The following MYO9A variants were observed in gnomAD, a reference collection of about 807,000 sequenced individuals.
MYO9A encodes unconventional myosin-IXa.
MYO9A carries 103 observed loss-of-function variants against 293.3 expected under a neutral mutation model. That is an observed-to-expected ratio of 0.35 (90% CI 0.30 to 0.41). The LOEUF (loss-of-function observed/expected upper bound fraction) is 0.41. Ranked by LOEUF, MYO9A falls within the 10% of genes least tolerant of loss-of-function variation. MYO9A has a pLI of 1.00. For synonymous variants in MYO9A, 1,001 were observed against 1,035.7 expected, an observed-to-expected ratio of 0.97 and a Z score of 0.64; for missense variants, 2,685 against 3,033.0, an observed-to-expected ratio of 0.89 and a Z score of 2.69.
chr15:71,897,316 G>A, intron 25 of MYO9A, 145 bp downstream of exon 25: 1 of 865,546 alleles, frequency 1.2e-6, no homozygotes, highest in South Asian at 1.8e-5. Context: ...TGATGGTAGA[G>A]TCAACAATTA....
intron 18 of MYO9A, among the ~76,000 whole-genome samples, chr15:71,920,273 G>A (rs576894826): frequency 6.6e-5 from 10 of 152,140 alleles, no homozygotes; most frequent in South Asian, 4.1e-4. Flanking sequence ...TAGGCAAAAA[G>A]ATTAATGAGA....
intron 39 of MYO9A, among the ~76,000 whole-genome samples, chr15:71,845,542 G>A (rs1287481185): frequency 6.6e-6 from 1 of 152,184 alleles, no homozygotes; most frequent in Non-Finnish European, 1.5e-5. Context: ...GATGCTATTT[G>A]CCATTTTCAC....
At chr15:71,934,878 T>C (rs1180418790) in intron 17 of MYO9A, among the ~76,000 whole-genome samples, 1 of 147,618 alleles carries the variant, frequency 6.8e-6, no homozygotes, top group Non-Finnish European at 1.5e-5. Context: ...ACCAACTCTG[T>C]AATCAGTTAA....
At chr15:72,073,347 T>C (rs956231314) in intron 1 of MYO9A, among the ~76,000 whole-genome samples, 1 of 152,078 alleles carries the variant, frequency 6.6e-6, no homozygotes. Context: ...ACCGCCACAA[T>C]TGTCAGGGTC....
chr15:72,051,344 C>T (rs1401531780), intron 1 of MYO9A, among the ~76,000 whole-genome samples: 3 of 152,190 alleles, frequency 2.0e-5, no homozygotes, highest in African/African-American at 4.8e-5. Flanking sequence ...AACCCTGCCA[C>T]CTTCTGAGTT....
At chr15:71,859,658 A>C (rs1043652076) in intron 34 of MYO9A, 77 bp downstream of exon 34, 13 of 1,166,410 alleles carry the variant, frequency 1.1e-5, no homozygotes, top group Middle Eastern at 2.2e-4. Context: ...ACTATCAAAA[A>C]GGCCTTAATT....
intron 11 of MYO9A, among the ~76,000 whole-genome samples, chr15:71,989,576 C>G (rs1238786993): frequency 1.3e-5 from 2 of 152,148 alleles, no homozygotes; most frequent in African/African-American, 4.8e-5. Flanking sequence ...ACTGACTGTA[C>G]TTAGCATTAC....
At chr15:72,102,029 G>A (rs879924025) in intron 1 of MYO9A, among the ~76,000 whole-genome samples, 3 of 151,210 alleles carry the variant, frequency 2.0e-5, no homozygotes, top group Admixed American at 6.6e-5. Flanking sequence ...TGACAATGGC[G>A]GCTTTGTGGA....
At chr15:71,939,741 T>G (rs1010654762) in intron 15 of MYO9A, among the ~76,000 whole-genome samples, 1 of 152,220 alleles carries the variant, frequency 6.6e-6, no homozygotes, top group Non-Finnish European at 1.5e-5. Flanking sequence ...ATGATAAACA[T>G]GTAAGTTCCG....
At chr15:71,971,864 T>C (rs563895660) in intron 12 of MYO9A, among the ~76,000 whole-genome samples, 14 of 151,994 alleles carry the variant, frequency 9.2e-5, no homozygotes, top group Admixed American at 9.2e-4. Context: ...CTGCAGCCCT[T>C]GGTGTAGTCT....
chr15:71,994,596 A>G lies in MYO9A; in HGVS notation c.1471-11T>C. The G allele has an allele frequency of 1.3e-6, 2 of 1,515,354 alleles. No individual in the cohort carries two copies. Among genetic ancestry groups the G allele is most frequent in the Non-Finnish European group, 1.8e-6 (2 of 1,107,610 alleles). The allele number at this position is 1,515,354 out of a possible 1,614,324, so 93.9% of individuals were successfully genotyped here. The stretch of plus-strand genomic sequence containing the variant: ...CCTCACTGTCACAGCCTGAAAAACA[A>G]AAGCATTACAAGTGCATGTAGAATT... On this transcript the variant is annotated splice_polypyrimidine_tract_variant and intron_variant, in intron 9 of 41. Coordinates refer to ENST00000356056, the MANE Select transcript of MYO9A (RefSeq NM_006901.4).
intron 10 of MYO9A, among the ~76,000 whole-genome samples, chr15:71,992,234 C>A (rs1051126703): frequency 1.2e-4 from 18 of 152,154 alleles, no homozygotes; most frequent in African/African-American, 3.6e-4. Flanking sequence ...GAATACAGAA[C>A]ATAAATGCTT....
At chr15:71,895,685 T>C (rs1004003707) in intron 25 of MYO9A, among the ~76,000 whole-genome samples, 9 of 152,014 alleles carry the variant, frequency 5.9e-5, no homozygotes, top group African/African-American at 1.9e-4. Context: ...ATTTTATCTG[T>C]AGAGTTTAAT....
intron 39 of MYO9A, among the ~76,000 whole-genome samples, chr15:71,833,960 T>G (rs1182062651): frequency 3.9e-5 from 6 of 151,970 alleles, no homozygotes. Context: ...AGACTCTATT[T>G]CAGGAAACTA....
chr15:72,071,180 A>G (rs996801820), intron 1 of MYO9A, among the ~76,000 whole-genome samples: 2 of 152,244 alleles, frequency 1.3e-5, no homozygotes, highest in Non-Finnish European at 2.9e-5. Context: ...CCTGGAATCT[A>G]TAAGGAACTT....
At chr15:71,906,424 A>G (rs1489568383) in intron 19 of MYO9A, among the ~76,000 whole-genome samples, 1 of 152,168 alleles carries the variant, frequency 6.6e-6, no homozygotes, top group Non-Finnish European at 1.5e-5. Context: ...TCCAAGCATA[A>G]CTGCAGATTT....
intron 1 of MYO9A, among the ~76,000 whole-genome samples, chr15:72,112,407 T>C (rs2080812052): frequency 6.6e-6 from 1 of 152,174 alleles, no homozygotes; most frequent in African/African-American, 2.4e-5. Flanking sequence ...GGAAAGTGCT[T>C]TACATGTTTA....
At chr15:71,847,103 C>G (rs769354036) in intron 39 of MYO9A, among the ~76,000 whole-genome samples, 1 of 152,164 alleles carries the variant, frequency 6.6e-6, no homozygotes, top group Admixed American at 6.5e-5. Flanking sequence ...TATCTCAATG[C>G]TTTTAACTTT....
intron 19 of MYO9A, among the ~76,000 whole-genome samples, chr15:71,916,045 A>AT (rs1202256775): frequency 2.0e-5 from 3 of 152,164 alleles, no homozygotes; most frequent in Non-Finnish European, 4.4e-5. Context: ...AAAAAAACAT[A>AT]TATCATTATG....
Sources: allele counts gnomAD v4.1 joint callset (sites outside exome capture counted in the v4.1 genomes callset), GRCh38; gene constraint gnomAD v4.1.1; transcripts MANE v1.5; gene names NCBI Gene and HGNC (gene_info 2026-07-23, HGNC 2026-07-21).